The following BMP7 variants were observed in gnomAD, a reference collection of about 807,000 sequenced individuals.
The protein encoded by BMP7 is bone morphogenetic protein 7, also known as osteogenic protein 1.
A neutral mutation model predicts 41.2 loss-of-function variants in BMP7; 12 were observed. The ratio of observed to expected loss-of-function variants is 0.29; its 90% CI spans 0.19 to 0.47. The LOEUF (loss-of-function observed/expected upper bound fraction) is 0.47. Among genes scored for constraint, BMP7 ranks in the 20% least tolerant of loss-of-function variants. The pLI is 0.99. For missense variants in BMP7, 467 were observed against 606.0 expected (o/e 0.77, Z 2.41); for synonymous variants, 248 against 250.0 (o/e 0.99, Z 0.07).
At chr20:57,189,122 TC>T (rs906432099) in intron 3 of BMP7, among the ~76,000 whole-genome samples, 7 of 152,352 alleles carry the variant, frequency 4.6e-5, no homozygotes, top group Admixed American at 3.9e-4. Flanking sequence ...GGTCTTTTTG[TC>T]CCTGTTATTC....
intron 2 of BMP7, among the ~76,000 whole-genome samples, chr20:57,211,424 CA>C (rs958619685): frequency 2.6e-5 from 4 of 151,580 alleles, no homozygotes; most frequent in South Asian, 2.1e-4. Flanking sequence ...GGCCCACCAT[CA>C]AAAAAAAGGA....
At position 57,169,485 on chromosome 20, in the gene BMP7, G is replaced by A. The variant is rs1983766355; in HGVS notation, c.*1474C>T. 1.3e-5 allele frequency: 2 copies of A among 152,258 alleles called. No homozygotes were observed. Among genetic ancestry groups the A allele is most frequent in the African/African-American group, 2.4e-5 (1 of 41,454 alleles). The allele number at this position is 152,258 out of a possible 1,614,324, so 9.4% of individuals were successfully genotyped here. On this transcript the variant is annotated 3_prime_UTR_variant, in exon 7 of 7. Coordinates refer to ENST00000395863, the MANE Select transcript of BMP7 (RefSeq NM_001719.3). ...CCAAATCGGGACACTTGGTTAGGAT[G>A]TCACCCTCAACAAGGCTTCTATTTG...
chr20:57,247,620 G>C (rs2066095599), intron 1 of BMP7, among the ~76,000 whole-genome samples: 1 of 152,180 alleles, frequency 6.6e-6, no homozygotes, highest in Non-Finnish European at 1.5e-5. Flanking sequence ...CCCTTTACTA[G>C]AAAACATTTG....
rs1983765997 is a variant in BMP7, at chr20:57,169,476, G to A, written c.*1483C>T. ...ATGCCACCTCCAAATCGGGACACTT[G>A]GTTAGGATGTCACCCTCAACAAGGC... On this transcript the variant is annotated 3_prime_UTR_variant, in exon 7 of 7. Coordinates refer to ENST00000395863, the MANE Select transcript of BMP7 (RefSeq NM_001719.3). 6.6e-6 allele frequency: 1 copy of A among 152,244 alleles called. No individual in the cohort carries two copies. The highest frequency in any genetic ancestry group is 1.5e-5 in the Non-Finnish European group (1 of 68,078). The allele number at this position is 152,244 out of a possible 1,614,324, so 9.4% of individuals were successfully genotyped here.
chr20:57,200,933 T>A (rs1486414670), intron 3 of BMP7, among the ~76,000 whole-genome samples: 1 of 152,232 alleles, frequency 6.6e-6, no homozygotes, highest in Non-Finnish European at 1.5e-5. Context: ...CACCTAGGCA[T>A]CCATCCCAGG....
Position 57,170,936 on chromosome 20 carries a change from A to G in BMP7, c.*23T>C, listed in dbSNP as rs763388750. 1.9e-6 allele frequency: 3 copies of G among 1,611,884 alleles called. No individual in the cohort carries two copies. Among genetic ancestry groups the G allele is most frequent in the East Asian group, 4.5e-5 (2 of 44,874 alleles). On this transcript the variant is annotated 3_prime_UTR_variant, in exon 7 of 7. Transcript: ENST00000395863. ...GAGGATCCAGAAAAACTTGGCCCCA[A>G]AGGGTCTGAATTCTCGGAGGAGCTA...
chr20:57,232,485 A>G (rs901737352), intron 1 of BMP7, among the ~76,000 whole-genome samples: 3 of 152,248 alleles, frequency 2.0e-5, no homozygotes, highest in African/African-American at 7.2e-5. Context: ...CACAGGTACA[A>G]TCATTAGAGT....
chr20:57,239,617 C>A (rs1351036302), intron 1 of BMP7, among the ~76,000 whole-genome samples: 1 of 152,244 alleles, frequency 6.6e-6, no homozygotes, highest in Non-Finnish European at 1.5e-5. Context: ...CCCTTCCCCA[C>A]TGCCCTAGCG....
intron 4 of BMP7, among the ~76,000 whole-genome samples, chr20:57,178,575 G>A (rs1315528074): frequency 6.6e-6 from 1 of 152,062 alleles, no homozygotes. Flanking sequence ...CAAACAGCTG[G>A]ACTCTACAGC....
intron 2 of BMP7, among the ~76,000 whole-genome samples, chr20:57,226,972 G>A (rs889115231): frequency 2.6e-5 from 4 of 151,900 alleles, no homozygotes; most frequent in Non-Finnish European, 5.9e-5. Context: ...GATTACAGGC[G>A]CCCGCCACCA....
intron 2 of BMP7, among the ~76,000 whole-genome samples, chr20:57,219,086 AGTGGTAGCTGGTGTTTG>A (rs1268813340): frequency 6.4e-5 from 5 of 78,576 alleles, no homozygotes; most frequent in African/African-American, 9.4e-5. Flanking sequence ...GCGTTTGTTC[AGTGGTAGCTGGTGTTTG>A]GTGGTAGCTG....
At chr20:57,181,266 A>G (rs1984073146) in intron 4 of BMP7, among the ~76,000 whole-genome samples, 1 of 152,116 alleles carries the variant, frequency 6.6e-6, no homozygotes, top group African/African-American at 2.4e-5. Context: ...GTACTTTGGG[A>G]GGCCAAAGTG....
chr20:57,258,185 C>T (rs4811831), intron 1 of BMP7, among the ~76,000 whole-genome samples: 21,620 of 152,172 alleles, frequency 0.14, 1,667 homozygotes, highest in Admixed American at 0.22. Flanking sequence ...CTTGGTGAGT[C>T]GGATTTTTCA....
At chr20:57,242,207 T>C (rs2066072517) in intron 1 of BMP7, among the ~76,000 whole-genome samples, 1 of 152,186 alleles carries the variant, frequency 6.6e-6, no homozygotes, top group South Asian at 2.1e-4. Context: ...CATTTTTGGT[T>C]GTCATAACTT....
chr20:57,232,045 T>C (rs999443904), intron 1 of BMP7, among the ~76,000 whole-genome samples: 1 of 152,104 alleles, frequency 6.6e-6, no homozygotes, highest in East Asian at 1.9e-4. Context: ...GGAGGCCGGG[T>C]AACTTTCAAA....
chr20:57,187,322 C>G (rs573768747), intron 3 of BMP7, among the ~76,000 whole-genome samples: 3 of 152,188 alleles, frequency 2.0e-5, no homozygotes, highest in African/African-American at 2.4e-5. Flanking sequence ...ATCTGTCCCC[C>G]CTTTCCGTGA....
At chr20:57,184,526 G>T (rs1363485555) in intron 3 of BMP7, among the ~76,000 whole-genome samples, 1 of 152,092 alleles carries the variant, frequency 6.6e-6, no homozygotes, top group Non-Finnish European at 1.5e-5. Context: ...GGGGCAGTAG[G>T]GGCACGAGTC....
In BMP7 at chr20:57,171,439, G is replaced by C. The variant is rs1983814304; in HGVS notation, c.1147-331C>G. 6.6e-6 allele frequency among the ~76,000 whole-genome samples: 1 copy of C among 152,198 alleles called. No individual in the cohort carries two copies. The highest frequency in any genetic ancestry group is 1.9e-4 in the East Asian group (1 of 5,202). Reference sequence around the variant, plus strand: ...GATTGCTGAATAGTGTCCCTGACTTGGACCCACTAGAAGTGCTCCATCTTG... The same window carrying C: ...GATTGCTGAATAGTGTCCCTGACTTCGACCCACTAGAAGTGCTCCATCTTG... On this transcript the variant is annotated intron_variant, in intron 6 of 6. Coordinates refer to ENST00000395863, the MANE Select transcript of BMP7 (RefSeq NM_001719.3). This position sits in a 1 kb window ranked among gnomAD's most constrained non-coding sequence, Gnocchi z 4.5.
chr20:57,202,716 A>C, intron 2 of BMP7, 93 bp from the exon 3 acceptor site: 2 of 481,278 alleles, frequency 4.2e-6, no homozygotes, highest in Non-Finnish European at 8.1e-6. Context: ...ATGGGGTGGG[A>C]GGGGAGGGAA....
Sources: allele counts gnomAD v4.1 joint callset (sites outside exome capture counted in the v4.1 genomes callset), GRCh38; gene constraint gnomAD v4.1.1; non-coding constraint Gnocchi (gnomAD v3.1); transcripts MANE v1.5; gene names NCBI Gene and HGNC (gene_info 2026-07-23, HGNC 2026-07-21).